The following CAMKMT variants were observed in gnomAD, a reference collection of about 807,000 sequenced individuals.
CAMKMT encodes the protein calmodulin-lysine N-methyltransferase.
A neutral mutation model predicts 48.0 loss-of-function variants in CAMKMT; 53 were observed. The ratio of observed to expected loss-of-function variants is 1.10; its 90% confidence interval spans 0.89 to 1.39. CAMKMT has a LOEUF of 1.39. Among genes scored for constraint, CAMKMT ranks in the 40% most tolerant of loss-of-function variants. The pLI is 0.00. For missense variants in CAMKMT, 428 were observed against 402.7 expected (o/e 1.06, Z -0.54); for synonymous variants, 165 against 152.3 (o/e 1.08, Z -0.61).
At chr2:44,490,434 C>T (rs1446145394) in intron 3 of CAMKMT, among the ~76,000 whole-genome samples, 1 of 152,112 alleles carries the variant, frequency 6.6e-6, no homozygotes, top group African/African-American at 2.4e-5. Context: ...CGCCACCACA[C>T]TCGGCTAATT....
At chr2:44,487,846 ACAC>A (rs1669286950) in intron 3 of CAMKMT, among the ~76,000 whole-genome samples, 6 of 152,252 alleles carry the variant, frequency 3.9e-5, no homozygotes, top group Admixed American at 3.9e-4. Flanking sequence ...CAAAGACTTG[ACAC>A]CACATCTTCC....
chr2:44,509,884 G>A (rs940790133), intron 3 of CAMKMT, among the ~76,000 whole-genome samples: 1 of 152,204 alleles, frequency 6.6e-6, no homozygotes, highest in Non-Finnish European at 1.5e-5. Context: ...AAACCAACCA[G>A]TTGTGGCTGC....
chr2:44,669,682 G>C (rs1376074537), intron 3 of CAMKMT, among the ~76,000 whole-genome samples: 2 of 151,872 alleles, frequency 1.3e-5, no homozygotes, highest in Non-Finnish European at 2.9e-5. Flanking sequence ...CTGTCACCTA[G>C]GCTGGAGTGC....
intron 3 of CAMKMT, among the ~76,000 whole-genome samples, chr2:44,682,494 C>G (rs1573065571): frequency 1.3e-5 from 2 of 152,100 alleles, no homozygotes; most frequent in Non-Finnish European, 2.9e-5. Flanking sequence ...AAGAAGAAAC[C>G]CATTCTCCCT....
chr2:44,631,605 A>G, intron 3 of CAMKMT: 1 of 510,472 alleles, frequency 2.0e-6, no homozygotes, highest in Non-Finnish European at 3.4e-6. Flanking sequence ...CCAGCTGTGT[A>G]TGCATTTCTT....
intron 3 of CAMKMT, among the ~76,000 whole-genome samples, chr2:44,595,600 C>G (rs111467130): frequency 1.3e-5 from 2 of 152,126 alleles, no homozygotes; most frequent in African/African-American, 4.8e-5. Context: ...AGTGCTATCC[C>G]CATGAAGCTA....
At chr2:44,721,871 G>A (rs557422851) in intron 7 of CAMKMT, among the ~76,000 whole-genome samples, 2 of 151,992 alleles carry the variant, frequency 1.3e-5, no homozygotes, top group South Asian at 4.2e-4. Flanking sequence ...GGGAGGGAAG[G>A]GGAGGCCCTC....
chr2:44,517,107 A>G (rs1217910333), intron 3 of CAMKMT, among the ~76,000 whole-genome samples: 3 of 152,200 alleles, frequency 2.0e-5, no homozygotes, highest in Non-Finnish European at 4.4e-5. Context: ...ATAAATGTGC[A>G]TAAGTGTTTG....
At chr2:44,368,608 A>G (rs1160802481) in intron 1 of CAMKMT, among the ~76,000 whole-genome samples, 1 of 152,076 alleles carries the variant, frequency 6.6e-6, no homozygotes, top group Non-Finnish European at 1.5e-5. Context: ...GACTTAAATT[A>G]TTTTTTACAT....
At chr2:44,453,066 A>T (rs1482644386) in intron 3 of CAMKMT, among the ~76,000 whole-genome samples, 1 of 152,072 alleles carries the variant, frequency 6.6e-6, no homozygotes, top group Non-Finnish European at 1.5e-5. Context: ...TGATGCTTCC[A>T]GTTAACAACT....
chr2:44,574,603 AG>A (rs1202143584), intron 3 of CAMKMT, among the ~76,000 whole-genome samples: 2 of 145,674 alleles, frequency 1.4e-5, no homozygotes, highest in African/African-American at 5.1e-5. Context: ...TCAAGAATAC[AG>A]GGGGAAAAAA....
chr2:44,686,249 C>T (rs754564248), intron 3 of CAMKMT, among the ~76,000 whole-genome samples: 2 of 151,788 alleles, frequency 1.3e-5, no homozygotes, highest in African/African-American at 4.8e-5. Context: ...AAAAATTAGC[C>T]GGGCATGGTG....
chr2:44,473,958 T>C (rs527332362), intron 3 of CAMKMT, among the ~76,000 whole-genome samples: 3 of 152,280 alleles, frequency 2.0e-5, no homozygotes, highest in East Asian at 1.9e-4. Flanking sequence ...ACCATCCAAA[T>C]TGAATACTAC....
chr2:44,639,886 G>A (rs770575468), intron 3 of CAMKMT, among the ~76,000 whole-genome samples: 7 of 152,096 alleles, frequency 4.6e-5, no homozygotes, highest in Non-Finnish European at 1.0e-4. Context: ...TAAATATTTG[G>A]GATTGGTTTA....
chr2:44,611,280 A>G (rs1333396612), intron 3 of CAMKMT, among the ~76,000 whole-genome samples: 1 of 151,988 alleles, frequency 6.6e-6, no homozygotes, highest in Non-Finnish European at 1.5e-5. Context: ...TAAAATACAA[A>G]AAATTAGCTG....
rs11887875 is a variant in CAMKMT at position 44,554,239 on chromosome 2, G to A, written c.377-150044G>A. On this transcript the variant is annotated intron_variant, in intron 3 of 10. Transcript: ENST00000378494. ...CTGTTTTGTGAGGGAGATAGACAAG[G>A]GAGGAGGAAAATCCAGTAGTTAGTT... Among the ~76,000 whole-genome samples, 587 of 152,302 alleles carry A rather than the reference G, an allele frequency of 3.9e-3. 2 individuals are homozygous for A. The highest frequency in any genetic ancestry group is 0.013 in the African/African-American group (551 of 41,556).
chr2:44,742,041 A>G (rs1413311861), intron 7 of CAMKMT, among the ~76,000 whole-genome samples: 1 of 152,140 alleles, frequency 6.6e-6, no homozygotes. Context: ...TGTCTAGTAT[A>G]GATGTATACT....
chr2:44,410,863 C>T (rs1422033410), intron 3 of CAMKMT, among the ~76,000 whole-genome samples: 1 of 151,888 alleles, frequency 6.6e-6, no homozygotes, highest in Non-Finnish European at 1.5e-5. Context: ...AGCTCCCCAC[C>T]CCCCATCTAA....
intron 3 of CAMKMT, among the ~76,000 whole-genome samples, chr2:44,566,331 G>T (rs2103715053): frequency 6.6e-6 from 1 of 152,286 alleles, no homozygotes; most frequent in Admixed American, 6.5e-5. Flanking sequence ...AAGAGCTATT[G>T]TTGCTTTGGC....
Sources: allele counts gnomAD v4.1 joint callset (sites outside exome capture counted in the v4.1 genomes callset), GRCh38; gene constraint gnomAD v4.1.1; transcripts MANE v1.5; gene names NCBI Gene and HGNC (gene_info 2026-07-23, HGNC 2026-07-21).